Variants in STEAP4 observed in about 807,000 individuals in gnomAD.
The protein encoded by STEAP4 is metalloreductase STEAP4.
STEAP4 carries 36 observed loss-of-function variants against 43.6 expected under a neutral mutation model. The observed-to-expected ratio is 0.83, with a 90% CI of 0.63 to 1.09. The LOEUF (loss-of-function observed/expected upper bound fraction) is 1.09. Among genes scored for constraint, STEAP4 ranks in the 50% least tolerant of loss-of-function variants. STEAP4 has a pLI of 0.00. For missense variants in STEAP4, 495 were observed against 546.5 expected, an observed-to-expected ratio of 0.91 and a Z score of 0.94; for synonymous variants, 191 against 196.7, an observed-to-expected ratio of 0.97 and a Z score of 0.24.
intron 1 of STEAP4, among the ~76,000 whole-genome samples, chr7:88,294,977 T>C (rs1250015754): frequency 6.6e-6 from 1 of 152,184 alleles, no homozygotes; most frequent in Non-Finnish European, 1.5e-5. Flanking sequence ...GGAGTCTAAC[T>C]TGTTTCTTAG....
Position 88,277,363 on chromosome 7 carries a change from C to T in STEAP4, c.*2035G>A, listed in dbSNP as rs1192860191. The T allele has an allele frequency of 6.6e-6, 1 of 152,136 alleles. No homozygotes were observed. Among genetic ancestry groups the T allele is most frequent in the Non-Finnish European group, 1.5e-5 (1 of 68,028 alleles). The allele number at this position is 152,136 out of a possible 1,614,324, so 9.4% of individuals were successfully genotyped here. ...CGCAAATTGAAATAAAAAAGACAATCTACAATGGTGCGATGAAAGCAACAC... is the reference window on the plus strand; with the variant it reads ...CGCAAATTGAAATAAAAAAGACAATTTACAATGGTGCGATGAAAGCAACAC... On this transcript the variant is annotated 3_prime_UTR_variant, in exon 5 of 5. Coordinates refer to ENST00000380079, the MANE Select transcript of STEAP4 (RefSeq NM_024636.4).
At chr7:88,283,635 G>GACC in intron 2 of STEAP4, 179 bp downstream of exon 2, 1 of 688,246 alleles carries the variant, frequency 1.5e-6, no homozygotes, top group Non-Finnish European at 2.4e-6. Context: ...GACAGTGGGA[G>GACC]ATATAACAGT....
chr7:88,305,337 C>G (rs1042635137), intron 1 of STEAP4, among the ~76,000 whole-genome samples: 1 of 152,172 alleles, frequency 6.6e-6, no homozygotes, highest in Non-Finnish European at 1.5e-5. Context: ...AGGTAGAATA[C>G]ATGCAGGTCA....
At position 88,283,123 on chromosome 7, in the gene STEAP4, C is replaced by T; in HGVS notation, c.502G>A (p.Asp168Asn). 1 of 1,586,446 alleles carries T rather than the reference C, an allele frequency of 6.3e-7. No homozygotes were observed. The highest frequency in any genetic ancestry group is 1.2e-5 in the South Asian group (1 of 85,908). The stretch of plus-strand genomic sequence containing the variant: ...GTAAGTCCAAGATTACGAACAATAT[C>T]CATCACTCTTTGCTTGGCTTTGCTG... ...NDSKAKQRVM[D>N]IVRNLGLTPM... The change falls in exon 3 of 5, where the codon GAT (aspartate) becomes AAT (asparagine). Residue 168 changes from aspartate (D) to asparagine (N), a missense_variant. Physicochemically the swap from Asp to Asn is conservative, Grantham distance 23. Coordinates refer to ENST00000380079, the MANE Select transcript of STEAP4 (RefSeq NM_024636.4).
chr7:88,305,876 T>C (rs1164785330), intron 1 of STEAP4, among the ~76,000 whole-genome samples: 5 of 152,184 alleles, frequency 3.3e-5, no homozygotes, highest in Admixed American at 2.6e-4. Flanking sequence ...GTTCTAGTTA[T>C]TATAGAACTA....
intron 1 of STEAP4, among the ~76,000 whole-genome samples, chr7:88,286,499 C>G (rs949879990): frequency 1.3e-5 from 2 of 151,958 alleles, no homozygotes; most frequent in African/African-American, 2.4e-5. Flanking sequence ...ATTTAAAACA[C>G]TGGATATCAC....
Position 88,276,884 on chromosome 7 carries a change from T to A in STEAP4, c.*2514A>T, listed in dbSNP as rs1421830698. Reference sequence around the variant, plus strand: ...GAGTGCTCTTTAGCTTCAGGCTTCATGAATTGCTTTTAACTACTCAGGTAG... The same window carrying A: ...GAGTGCTCTTTAGCTTCAGGCTTCAAGAATTGCTTTTAACTACTCAGGTAG... On this transcript the variant is annotated 3_prime_UTR_variant, in exon 5 of 5. Transcript: ENST00000380079. 3 of 152,280 alleles carry A rather than the reference T, an allele frequency of 2.0e-5. No individual in the cohort carries two copies. The highest frequency in any genetic ancestry group is 7.2e-5 in the African/African-American group (3 of 41,438). 9.4% of individuals were successfully genotyped at this position (152,280 alleles called of 1,614,324 possible).
In STEAP4 at chr7:88,279,546, T is replaced by A. The variant is rs202193095; in HGVS notation, c.1232A>T (p.Asn411Ile). ...GGCTGCAGGAAGATACCATCTGAGATTTGAAGGGCTGAGGAATCTCTTCCC... is the reference window on the plus strand; with the variant it reads ...GGCTGCAGGAAGATACCATCTGAGAATTGAAGGGCTGAGGAATCTCTTCCC... ...YGGKRFLSPS[N>I]LRWYLPAAYV... is the part of the protein sequence containing the mutation. The change falls in exon 5 of 5, where the codon AAT becomes ATT. Residue 411 changes from asparagine (N) to isoleucine (I), a missense_variant. Transcript: ENST00000380079. 300 of 1,613,976 alleles carry A rather than the reference T, an allele frequency of 1.9e-4. No homozygotes were observed. Among genetic ancestry groups the A allele is most frequent in the Non-Finnish European group, 2.3e-4 (268 of 1,180,004 alleles).
intron 1 of STEAP4, among the ~76,000 whole-genome samples, chr7:88,290,029 C>T (rs185546199): frequency 6.6e-6 from 1 of 152,206 alleles, no homozygotes; most frequent in Admixed American, 6.6e-5. Flanking sequence ...TTATTTTATC[C>T]TAATATTTTT....
intron 1 of STEAP4, among the ~76,000 whole-genome samples, chr7:88,288,759 G>C (rs968597500): frequency 7.6e-4 from 116 of 152,042 alleles, no homozygotes; most frequent in African/African-American, 2.6e-3. Context: ...TGAGCTGATA[G>C]TTTATCCTAA....
chr7:88,294,208 C>T (rs975741024), intron 1 of STEAP4, among the ~76,000 whole-genome samples: 1 of 152,078 alleles, frequency 6.6e-6, no homozygotes, highest in Non-Finnish European at 1.5e-5. Flanking sequence ...TAATTCCACA[C>T]CTGACTTTAT....
intron 1 of STEAP4, among the ~76,000 whole-genome samples, chr7:88,299,758 A>G (rs1852998028): frequency 6.6e-6 from 1 of 152,252 alleles, no homozygotes; most frequent in Admixed American, 6.5e-5. Context: ...ATTAAGGCCA[A>G]TAGGAATTAT....
chr7:88,301,573 G>A (rs1853035395), intron 1 of STEAP4, among the ~76,000 whole-genome samples: 1 of 151,970 alleles, frequency 6.6e-6, no homozygotes, highest in Admixed American at 6.6e-5. Context: ...CACTGCACCT[G>A]GCCCCATATC....
In STEAP4 at chr7:88,284,113, G is replaced by A; in HGVS notation, c.157C>T (p.Gln53Ter). The change falls in exon 2 of 5, where the codon CAG becomes TAG. Residue 53 changes from glutamine to a stop codon, truncating the protein, a stop_gained. Coordinates refer to ENST00000380079, the MANE Select transcript of STEAP4 (RefSeq NM_024636.4). LOFTEE classifies it high-confidence loss of function. ...CCACTGGGCAGTAGGGTGGTCTTCT[G>A]GGGGTTTCGACTTCCAAAAACAACA... is the stretch of plus-strand genomic sequence containing the variant. ...YSVVFGSRNP[Q>*]KTTLLPSGAE... 1.2e-6 allele frequency: 2 copies of A among 1,614,080 alleles called. No individual in the cohort carries two copies. The highest frequency in any genetic ancestry group is 1.7e-6 in the Non-Finnish European group (2 of 1,180,020).
chr7:88,277,724 G>C lies in STEAP4; in HGVS notation c.*1674C>G, dbSNP rs1349802554. The C allele has an allele frequency of 6.6e-6, 1 of 152,220 alleles. No individual in the cohort carries two copies. The highest frequency in any genetic ancestry group is 1.5e-5 in the Non-Finnish European group (1 of 68,076). The allele number at this position is 152,220 out of a possible 1,614,324, so 9.4% of individuals were successfully genotyped here. A position where few individuals can be genotyped will look rare whatever the true frequency, so the allele number is the denominator to read the frequency against. On this transcript the variant is annotated 3_prime_UTR_variant, in exon 5 of 5. Transcript: ENST00000380079. ...AAAGTACAAAAATTAGCTGGGCATA[G>C]TGGCACATGCCTGTAGTCCCAGCTA...
chr7:88,295,093 C>T (rs11771553), intron 1 of STEAP4, among the ~76,000 whole-genome samples: 12,029 of 152,138 alleles, frequency 0.079, 692 homozygotes, highest in Non-Finnish European at 0.12. Context: ...AACAGTCTTT[C>T]ATCAGTTTCA....
chr7:88,289,460 G>T (rs905305666), intron 1 of STEAP4, among the ~76,000 whole-genome samples: 12 of 152,204 alleles, frequency 7.9e-5, no homozygotes, highest in African/African-American at 2.9e-4. Context: ...CATGCAGATT[G>T]CACAGTGTAT....
intron 1 of STEAP4, among the ~76,000 whole-genome samples, chr7:88,305,852 G>T (rs1010096177): frequency 2.6e-5 from 4 of 152,134 alleles, no homozygotes; most frequent in Admixed American, 2.0e-4. Flanking sequence ...GGAAACTGAG[G>T]CTGAGATAAT....
intron 1 of STEAP4, among the ~76,000 whole-genome samples, chr7:88,299,774 T>C (rs1852998424): frequency 6.6e-6 from 1 of 152,256 alleles, no homozygotes; most frequent in Non-Finnish European, 1.5e-5. Context: ...ATTATCTAAA[T>C]ATCAATAACT....
Sources: allele counts gnomAD v4.1 joint callset (sites outside exome capture counted in the v4.1 genomes callset), GRCh38; gene constraint gnomAD v4.1.1; transcripts MANE v1.5; gene names NCBI Gene and HGNC (gene_info 2026-07-23, HGNC 2026-07-21).